The following CEP112 variants were observed in gnomAD, a reference collection of about 807,000 sequenced individuals.
CEP112 encodes the protein centrosomal protein of 112 kDa.
Under a neutral mutation model 153.0 loss-of-function variants are expected in CEP112, and 127 were observed. That is an observed-to-expected ratio of 0.83 (90% confidence interval 0.72 to 0.96). The LOEUF (loss-of-function observed/expected upper bound fraction) is 0.96, where lower values mean the gene tolerates loss of function less well. CEP112 is among the 40% of genes least tolerant of loss of function. CEP112 has a pLI of 0.00. For synonymous variants in CEP112, 358 were observed against 374.4 expected (o/e 0.96, Z 0.51); for missense variants, 1,089 against 1,101.2 (o/e 0.99, Z 0.16).
At chr17:65,839,631 C>T (rs2057443871) in intron 21 of CEP112, among the ~76,000 whole-genome samples, 1 of 151,980 alleles carries the variant, frequency 6.6e-6, no homozygotes, top group Non-Finnish European at 1.5e-5. Flanking sequence ...TCACTTTCAC[C>T]ATTTCTATTC....
chr17:66,117,103 C>A (rs1313798868), intron 6 of CEP112, among the ~76,000 whole-genome samples: 1 of 151,940 alleles, frequency 6.6e-6, no homozygotes, highest in Non-Finnish European at 1.5e-5. Flanking sequence ...ACCATGTTGG[C>A]CAGGATGGTC....
chr17:66,029,228 C>A lies in CEP112; in HGVS notation c.1398G>T (p.Lys466Asn), dbSNP rs763389599. 6.2e-7 allele frequency: 1 copy of A among 1,611,442 alleles called. No homozygotes were observed. Among genetic ancestry groups the A allele is most frequent in the Non-Finnish European group, 8.5e-7 (1 of 1,178,314 alleles). ...KARRNTLHKE[K>N]DHLVNDYEQN... ...GCTCATAATCATTTACAAGATGGTC[C>A]TTCTCTTTATGCAGTGTGTTACGCC... Residue 466 changes from lysine (K) to asparagine (N), a missense_variant, in exon 14 of 27, where the codon AAG (lysine) becomes AAT (asparagine). Coordinates refer to ENST00000535342, the MANE Select transcript of CEP112 (RefSeq NM_001199165.4).
rs9899568 is a variant in CEP112 at position 65,843,972 on chromosome 17, G to C, written c.2394+7832C>G. ...AAATGCCAAAGATATTTGCCACAAA[G>C]ATAAGGGTTTTATCATTCTAAATAT... On this transcript the variant is annotated intron_variant, in intron 21 of 26. Coordinates refer to ENST00000535342, the MANE Select transcript of CEP112 (RefSeq NM_001199165.4). Among the ~76,000 whole-genome samples, 479 of 152,194 alleles carry C rather than the reference G, an allele frequency of 3.1e-3. 3 individuals are homozygous for C. Among genetic ancestry groups the C allele is most frequent in the African/African-American group, 0.011 (455 of 41,538 alleles).
rs1198673908 is a variant in CEP112 at position 65,942,164 on chromosome 17, C to T, written c.1873-14475G>A. 4.5e-5 allele frequency among the ~76,000 whole-genome samples: 6 copies of T among 134,128 alleles called. No homozygotes were observed. In the Admixed American group the frequency reaches 5.0e-4, roughly 11 times the overall value. 88.0% of individuals were successfully genotyped at this position (134,128 alleles called of 152,430 possible). On this transcript the variant is annotated intron_variant, in intron 18 of 26. Coordinates refer to ENST00000535342, the MANE Select transcript of CEP112 (RefSeq NM_001199165.4). ...TTACCACCTAAGCTCCACCTCCTGT[C>T]AGATCAGTGTTGGCATTAGGAAGAT...
intron 17 of CEP112, among the ~76,000 whole-genome samples, chr17:65,979,153 C>T (rs893404647): frequency 6.6e-6 from 1 of 151,470 alleles, no homozygotes; most frequent in Non-Finnish European, 1.5e-5. Context: ...CTGCTCCCCA[C>T]CCCCACCATT....
intron 22 of CEP112, among the ~76,000 whole-genome samples, chr17:65,745,721 T>C (rs974892238): frequency 6.6e-6 from 1 of 152,148 alleles, no homozygotes; most frequent in Non-Finnish European, 1.5e-5. Context: ...AACACATGTA[T>C]AGATTCATAT....
intron 20 of CEP112, among the ~76,000 whole-genome samples, chr17:65,899,390 A>T: frequency 6.6e-6 from 1 of 152,154 alleles, no homozygotes; most frequent in East Asian, 1.9e-4. Flanking sequence ...ACAAAAATAT[A>T]ATATAGACAA....
At chr17:65,638,804 G>C (rs893316568) in intron 25 of CEP112, among the ~76,000 whole-genome samples, 1 of 152,054 alleles carries the variant, frequency 6.6e-6, no homozygotes, top group Non-Finnish European at 1.5e-5. Context: ...TCTCTTTCTG[G>C]GTCAGCATCC....
intron 21 of CEP112, among the ~76,000 whole-genome samples, chr17:65,828,944 T>C (rs955068166): frequency 2.6e-5 from 4 of 152,004 alleles, no homozygotes; most frequent in South Asian, 2.1e-4. Context: ...GGTCAAAAGA[T>C]AGGGATATTT....
At chr17:65,648,935 C>T (rs1361935443) in intron 24 of CEP112, among the ~76,000 whole-genome samples, 4 of 152,260 alleles carry the variant, frequency 2.6e-5, no homozygotes, top group East Asian at 1.9e-4. Context: ...CCTGTAATCC[C>T]AGCTACTCGG....
intron 9 of CEP112, among the ~76,000 whole-genome samples, chr17:66,068,669 A>G (rs988284942): frequency 6.6e-6 from 1 of 152,158 alleles, no homozygotes. Context: ...AATAAATTTC[A>G]GGATTTATTT....
intron 16 of CEP112, among the ~76,000 whole-genome samples, chr17:66,008,047 G>A (rs1462398835): frequency 6.6e-6 from 1 of 152,060 alleles, no homozygotes; most frequent in Non-Finnish European, 1.5e-5. Flanking sequence ...GACAGAAAAT[G>A]ACTTTTCCAG....
chr17:65,887,122 T>C (rs963636005), intron 20 of CEP112, among the ~76,000 whole-genome samples: 3 of 152,016 alleles, frequency 2.0e-5, no homozygotes, highest in Non-Finnish European at 4.4e-5. Context: ...TCCCCACCAA[T>C]GGATATGCCT....
chr17:65,893,964 C>A (rs1412231018), intron 20 of CEP112, among the ~76,000 whole-genome samples: 1 of 152,114 alleles, frequency 6.6e-6, no homozygotes, highest in Non-Finnish European at 1.5e-5. Flanking sequence ...TTGGCTTCAA[C>A]CTCTCTGTCA....
intron 18 of CEP112, among the ~76,000 whole-genome samples, chr17:65,940,426 T>C (rs2061472670): frequency 6.6e-6 from 1 of 152,172 alleles, no homozygotes; most frequent in South Asian, 2.1e-4. Context: ...TTCAAAGAGA[T>C]ATATACACTC....
At chr17:65,924,538 A>G (rs113245870) in intron 19 of CEP112, among the ~76,000 whole-genome samples, 2 of 152,192 alleles carry the variant, frequency 1.3e-5, no homozygotes. Flanking sequence ...ACATGCACAC[A>G]TGATTTTTAA....
intron 4 of CEP112, 80 bp downstream of exon 4, chr17:66,174,964 G>T: frequency 1.0e-6 from 1 of 991,544 alleles, no homozygotes. Flanking sequence ...ATAAAAAAAA[G>T]GAAAAACAGA....
At chr17:66,120,964 C>A (rs1358325408) in intron 6 of CEP112, among the ~76,000 whole-genome samples, 1 of 152,150 alleles carries the variant, frequency 6.6e-6, no homozygotes, top group African/African-American at 2.4e-5. Flanking sequence ...ACTTTCTTTT[C>A]TCTCTTGGTG....
rs557738666 is a variant in CEP112 at position 66,070,805 on chromosome 17, T to A, written c.769-804A>T. Among the ~76,000 whole-genome samples, 4 of 152,270 alleles carry A rather than the reference T, an allele frequency of 2.6e-5. No homozygotes were observed. The East Asian group carries it at 5.8e-4, about 22-fold the overall frequency. Reference sequence around the variant, plus strand: ...ATTTAAGAGAGTTAAGTGTTATACATTGGAGTCTGGCAGACCTCTTTTCCA... The same window carrying A: ...ATTTAAGAGAGTTAAGTGTTATACAATGGAGTCTGGCAGACCTCTTTTCCA... On this transcript the variant is annotated intron_variant, in intron 8 of 26. Coordinates refer to ENST00000535342, the MANE Select transcript of CEP112 (RefSeq NM_001199165.4).
Sources: allele counts gnomAD v4.1 joint callset (sites outside exome capture counted in the v4.1 genomes callset), GRCh38; gene constraint gnomAD v4.1.1; transcripts MANE v1.5; gene names NCBI Gene and HGNC (gene_info 2026-07-23, HGNC 2026-07-21).